Variants in LUZP2 observed in about 807,000 individuals in gnomAD.
LUZP2 encodes leucine zipper protein 2.
In LUZP2, 52 loss-of-function variants were observed where a neutral mutation model predicts 51.6. The ratio of observed to expected loss-of-function variants is 1.01; its 90% CI spans 0.81 to 1.27. The LOEUF (loss-of-function observed/expected upper bound fraction) is 1.27. LUZP2 is among the 50% of genes most tolerant of loss of function. The pLI is 0.00. For missense variants in LUZP2, 436 were observed against 395.4 expected, an observed-to-expected ratio of 1.10 and a Z score of -0.87; for synonymous variants, 154 against 137.3, an observed-to-expected ratio of 1.12 and a Z score of -0.85.
At chr11:24,966,775 A>C (rs1050473801) in intron 7 of LUZP2, among the ~76,000 whole-genome samples, 50 of 147,678 alleles carry the variant, frequency 3.4e-4, no homozygotes, top group African/African-American at 1.2e-3. Flanking sequence ...TATAGTGGAT[A>C]TAATATATTC....
intron 5 of LUZP2, among the ~76,000 whole-genome samples, chr11:24,882,357 C>T (rs556670068): frequency 6.8e-6 from 1 of 146,726 alleles, no homozygotes; most frequent in East Asian, 2.0e-4. Context: ...TGATATGCTC[C>T]TTTCTCTCAC....
rs528414505 is a variant in LUZP2 at position 24,701,824 on chromosome 11, G to C, written c.63-27345G>C. ...ATTATGGGAGGCTTTGACCATCTTA[G>C]GTGTCACCTTAACATTCCATAGAAG... On this transcript the variant is annotated intron_variant, in intron 1 of 11. Coordinates refer to ENST00000336930, the MANE Select transcript of LUZP2 (RefSeq NM_001009909.4). Among the ~76,000 whole-genome samples, 6 of 152,180 alleles carry C rather than the reference G, an allele frequency of 3.9e-5. No homozygotes were observed. In the East Asian group the frequency reaches 1.2e-3, roughly 29 times the overall value.
At chr11:24,751,475 G>A (rs570038607) in intron 4 of LUZP2, 2 of 455,810 alleles carry the variant, frequency 4.4e-6, no homozygotes, top group South Asian at 1.8e-4. Context: ...CAACAGCTCA[G>A]GCCTCTCCTG....
At chr11:25,024,716 C>A (rs1330393385) in intron 9 of LUZP2, among the ~76,000 whole-genome samples, 1 of 151,880 alleles carries the variant, frequency 6.6e-6, no homozygotes. Context: ...AATGGCCAAA[C>A]TGCCCAAGGT....
chr11:24,720,682 C>T (rs1302279405), intron 1 of LUZP2, among the ~76,000 whole-genome samples: 5 of 131,476 alleles, frequency 3.8e-5, no homozygotes, highest in Non-Finnish European at 8.9e-5. Context: ...CAAATTCAGA[C>T]CTGTTCTTTT....
At chr11:25,015,582 C>A (rs1260799591) in intron 9 of LUZP2, among the ~76,000 whole-genome samples, 2 of 152,066 alleles carry the variant, frequency 1.3e-5, no homozygotes, top group Admixed American at 6.5e-5. Context: ...TTTTATAGAG[C>A]ATTCCCAATA....
intron 5 of LUZP2, among the ~76,000 whole-genome samples, chr11:24,869,732 G>A (rs1429685809): frequency 1.3e-5 from 2 of 152,050 alleles, no homozygotes; most frequent in African/African-American, 4.8e-5. Flanking sequence ...GTCTGTGATG[G>A]CCATTGCCCC....
rs77767812 is a variant in LUZP2, at chr11:24,994,997, A to G, written c.765+11704A>G. 8.0e-3 allele frequency among the ~76,000 whole-genome samples: 1,219 copies of G among 152,338 alleles called. 35 individuals carry two copies. In the East Asian group the frequency reaches 0.099, roughly 12 times the overall value. ...ACTGTTATACATTACACAAATAAGAATACCATAAAACGTTTTATTTTCATT... is the reference window on the plus strand; with the variant it reads ...ACTGTTATACATTACACAAATAAGAGTACCATAAAACGTTTTATTTTCATT... On this transcript the variant is annotated intron_variant, in intron 9 of 11. Coordinates refer to ENST00000336930, the MANE Select transcript of LUZP2 (RefSeq NM_001009909.4).
intron 1 of LUZP2, among the ~76,000 whole-genome samples, chr11:24,609,400 A>G (rs1174073997): frequency 1.3e-5 from 2 of 152,074 alleles, no homozygotes. Flanking sequence ...GAGGAAGGCT[A>G]CAACTGAGTG....
rs556584911 is a variant in LUZP2, at chr11:24,524,415, T to C, written c.62+27110T>C. On this transcript the variant is annotated intron_variant, in intron 1 of 11. Transcript: ENST00000336930. ...AGCTTTCGTTTATAGATAAGTGCTCTTCTTTACAAAGATTCCATTTTATTG... is the reference window on the plus strand; with the variant it reads ...AGCTTTCGTTTATAGATAAGTGCTCCTCTTTACAAAGATTCCATTTTATTG... Among the ~76,000 whole-genome samples, 43 of 151,866 alleles carry C rather than the reference T, an allele frequency of 2.8e-4. 1 individual carries two copies. In the South Asian group the frequency reaches 8.9e-3, roughly 31 times the overall value.
intron 1 of LUZP2, among the ~76,000 whole-genome samples, chr11:24,601,955 T>C (rs528784121): frequency 7.5e-6 from 1 of 132,660 alleles, no homozygotes; most frequent in Admixed American, 7.7e-5. Context: ...TGTATAAATG[T>C]ATATATGTAT....
intron 7 of LUZP2, among the ~76,000 whole-genome samples, chr11:24,920,488 C>T (rs751887775): frequency 6.6e-6 from 1 of 152,008 alleles, no homozygotes; most frequent in Non-Finnish European, 1.5e-5. Context: ...CTTATCTGCA[C>T]TCACAGGTTT....
chr11:24,758,832 T>C (rs1859869920), intron 4 of LUZP2, among the ~76,000 whole-genome samples: 1 of 152,070 alleles, frequency 6.6e-6, no homozygotes. Context: ...ATTTGGTAAG[T>C]CTATAGTAAA....
chr11:24,909,231 C>G (rs1172748390), intron 6 of LUZP2, among the ~76,000 whole-genome samples: 1 of 151,666 alleles, frequency 6.6e-6, no homozygotes, highest in African/African-American at 2.4e-5. Context: ...TATTGTAGTT[C>G]CTGAATGAAT....
intron 3 of LUZP2, 36 bp downstream of exon 3, chr11:24,732,224 A>G (rs1410341080): frequency 6.7e-7 from 1 of 1,483,000 alleles, no homozygotes; most frequent in Admixed American, 1.9e-5. Flanking sequence ...TATTTCTGCC[A>G]TAGTGTCAAG....
At chr11:24,717,521 C>A (rs1858097674) in intron 1 of LUZP2, among the ~76,000 whole-genome samples, 1 of 151,618 alleles carries the variant, frequency 6.6e-6, no homozygotes, top group African/African-American at 2.4e-5. Context: ...CATTCTCCTG[C>A]CTCAGCTTTC....
intron 1 of LUZP2, among the ~76,000 whole-genome samples, chr11:24,549,072 A>G (rs1002881991): frequency 2.6e-5 from 4 of 151,916 alleles, no homozygotes; most frequent in African/African-American, 9.7e-5. Flanking sequence ...TACTCTATAC[A>G]CTTTTAATTT....
rs191354394 is a variant in LUZP2, at chr11:24,865,558, A to G, written c.397-40433A>G. Among the ~76,000 whole-genome samples, 579 of 152,286 alleles carry G rather than the reference A, an allele frequency of 3.8e-3. 4 individuals are homozygous for G. Among genetic ancestry groups the G allele is most frequent in the Middle Eastern group, 0.02 (6 of 294 alleles). Reference sequence around the variant, plus strand: ...ATAGGCAGGAGTGGCATGGGTTAACATTATGGGATTACCAAAGTCAGCTCC... The same window carrying G: ...ATAGGCAGGAGTGGCATGGGTTAACGTTATGGGATTACCAAAGTCAGCTCC... On this transcript the variant is annotated intron_variant, in intron 5 of 11. Transcript: ENST00000336930.
At chr11:24,527,527 C>T in intron 1 of LUZP2, among the ~76,000 whole-genome samples, 1 of 149,768 alleles carries the variant, frequency 6.7e-6, no homozygotes, top group East Asian at 2.0e-4. Flanking sequence ...GTGAGAATCT[C>T]CTTTTAGTAT....
Sources: allele counts gnomAD v4.1 joint callset (sites outside exome capture counted in the v4.1 genomes callset), GRCh38; gene constraint gnomAD v4.1.1; transcripts MANE v1.5; gene names NCBI Gene and HGNC (gene_info 2026-07-23, HGNC 2026-07-21).